NEDD4: variants seen among roughly 807,000 people sequenced by gnomAD.
The protein encoded by NEDD4 is E3 ubiquitin-protein ligase NEDD4.
In NEDD4, 99 loss-of-function variants were observed where a neutral mutation model predicts 144.9. That is an observed-to-expected ratio of 0.68 (90% CI 0.58 to 0.81). The LOEUF is 0.81. Ranked by LOEUF, NEDD4 falls within the 30% of genes least tolerant of loss-of-function variation. The pLI, the probability that NEDD4 is intolerant of heterozygous loss-of-function variation, is 0.00. For missense variants in NEDD4, 985 were observed against 1,065.9 expected, an observed-to-expected ratio of 0.92 and a Z score of 1.06; for synonymous variants, 318 against 350.6, an observed-to-expected ratio of 0.91 and a Z score of 1.04.
intron 2 of NEDD4, among the ~76,000 whole-genome samples, chr15:55,959,262 GATT>G (rs1469078083): frequency 3.3e-5 from 5 of 151,830 alleles, no homozygotes; most frequent in Non-Finnish European, 5.9e-5. Context: ...TTGACATATA[GATT>G]ATTTAGAAGT....
intron 1 of NEDD4, among the ~76,000 whole-genome samples, chr15:55,984,104 C>G (rs2037851552): frequency 1.3e-5 from 2 of 152,110 alleles, no homozygotes; most frequent in Admixed American, 1.3e-4. Flanking sequence ...TAAGCAAATA[C>G]AGAAATCAAG....
At chr15:55,840,028 AT>A (rs1566901247) in intron 21 of NEDD4, among the ~76,000 whole-genome samples, 6 of 83,564 alleles carry the variant, frequency 7.2e-5, no homozygotes, top group Non-Finnish European at 9.9e-5. Context: ...ATATATATAT[AT>A]ATATATATAT....
chr15:55,971,916 C>A (rs12591227), intron 1 of NEDD4, among the ~76,000 whole-genome samples: 1 of 152,032 alleles, frequency 6.6e-6, no homozygotes, highest in African/African-American at 2.4e-5. Flanking sequence ...AGCTCCAATA[C>A]ATCTGGCAGC....
chr15:55,927,318 CT>C (rs1294518898), intron 4 of NEDD4, among the ~76,000 whole-genome samples: 13 of 148,216 alleles, frequency 8.8e-5, no homozygotes, highest in Non-Finnish European at 9.0e-5. Flanking sequence ...CGACAAGATT[CT>C]TTTTTTTTTG....
At chr15:55,871,646 T>G (rs1472146717) in intron 7 of NEDD4, among the ~76,000 whole-genome samples, 1 of 152,130 alleles carries the variant, frequency 6.6e-6, no homozygotes, top group Non-Finnish European at 1.5e-5. Context: ...TCCTTTTCAT[T>G]TTTTTAATAT....
chr15:55,890,882 G>A (rs571515707), intron 5 of NEDD4, among the ~76,000 whole-genome samples: 2 of 152,174 alleles, frequency 1.3e-5, no homozygotes, highest in South Asian at 4.2e-4. Flanking sequence ...CATTTCCCTG[G>A]CAGCCAATGA....
chr15:55,897,853 C>A (rs1442575106), intron 5 of NEDD4, among the ~76,000 whole-genome samples: 1 of 152,212 alleles, frequency 6.6e-6, no homozygotes, highest in Non-Finnish European at 1.5e-5. Context: ...CTATACTTTT[C>A]CCCAGGCTTC....
chr15:55,956,603 C>G (rs542678180), intron 2 of NEDD4, among the ~76,000 whole-genome samples: 1 of 152,110 alleles, frequency 6.6e-6, no homozygotes, highest in East Asian at 1.9e-4. Context: ...TGTATATATT[C>G]TCTCTCTCGC....
chr15:55,931,077 A>C (rs2036771965), intron 4 of NEDD4, among the ~76,000 whole-genome samples: 1 of 152,224 alleles, frequency 6.6e-6, no homozygotes, highest in Non-Finnish European at 1.5e-5. Context: ...GAGAAAGAGA[A>C]GGAAAGAGGG....
At chr15:55,837,907 T>C (rs1566899025) in intron 23 of NEDD4, 58 bp from the exon 24 acceptor site, 11 of 1,386,408 alleles carry the variant, frequency 7.9e-6, no homozygotes, top group Non-Finnish European at 1.0e-5. Flanking sequence ...TGAGGCACAA[T>C]TATTCTAGTT....
In NEDD4 at chr15:55,970,177, G is replaced by A. The variant is rs1054112571; in HGVS notation, c.46-3631C>T. Among the ~76,000 whole-genome samples the A allele has an allele frequency of 8.5e-5, 13 of 152,148 alleles. No homozygotes were observed. In the South Asian group the frequency reaches 2.7e-3, roughly 32 times the overall value. On this transcript the variant is annotated intron_variant, in intron 1 of 28. Coordinates refer to ENST00000435532, the MANE Select transcript of NEDD4 (RefSeq NM_006154.4). ...GTGGCCATGGGCAGAGACTCTGTCT[G>A]CTTGAGAAAATCAAAGGGAAGAATA...
intron 12 of NEDD4, among the ~76,000 whole-genome samples, 171 bp from the exon 13 acceptor site, chr15:55,852,714 TATATATA>T (rs1207235494): frequency 6.8e-6 from 1 of 146,524 alleles, no homozygotes; most frequent in Non-Finnish European, 1.5e-5. Context: ...TATATATATA[TATATATA>T]TATTTACCTT....
intron 5 of NEDD4, 37 bp from the exon 6 acceptor site, chr15:55,874,045 C>T (rs16976618): frequency 0.13 from 153,150 of 1,176,862 alleles, 11,401 homozygotes; most frequent in East Asian, 0.35. Flanking sequence ...ATTAGTAATA[C>T]GCTCAATTCC....
At chr15:55,873,538 GT>G (rs2034883056) in intron 6 of NEDD4, among the ~76,000 whole-genome samples, 1 of 152,048 alleles carries the variant, frequency 6.6e-6, no homozygotes, top group Admixed American at 6.5e-5. Context: ...ATTCAATAAT[GT>G]TCTATTTTGC....
intron 4 of NEDD4, among the ~76,000 whole-genome samples, chr15:55,924,988 A>T (rs2036636077): frequency 6.6e-6 from 1 of 152,236 alleles, no homozygotes; most frequent in African/African-American, 2.4e-5. Context: ...AAATCGCTTC[A>T]ACCTGGGAGG....
intron 5 of NEDD4, among the ~76,000 whole-genome samples, chr15:55,917,913 G>A (rs2036493029): frequency 6.6e-6 from 1 of 151,914 alleles, no homozygotes; most frequent in Admixed American, 6.6e-5. Context: ...ATTCACTTAA[G>A]AGAGTGTTGT....
chr15:55,945,996 T>C (rs2037105304), intron 4 of NEDD4, among the ~76,000 whole-genome samples: 1 of 152,092 alleles, frequency 6.6e-6, no homozygotes, highest in African/African-American at 2.4e-5. Flanking sequence ...CAAGAGCTCA[T>C]GAAGGAAGCA....
chr15:55,915,033 T>G (rs1289741491), intron 5 of NEDD4, among the ~76,000 whole-genome samples: 1 of 152,078 alleles, frequency 6.6e-6, no homozygotes, highest in South Asian at 2.1e-4. Context: ...GTAGAAAAGT[T>G]TTATAGCTTA....
intron 8 of NEDD4, 122 bp downstream of exon 8, chr15:55,869,457 C>A: frequency 1.7e-6 from 1 of 604,760 alleles, no homozygotes; most frequent in African/African-American, 1.9e-5. Context: ...GTGAAATAAA[C>A]ATCCAAGTAA....
Sources: gnomAD v4.1 joint callset for allele counts (sites outside exome capture counted in the v4.1 genomes callset) on GRCh38, gnomAD v4.1.1 for gene constraint, MANE v1.5 for transcripts, NCBI Gene and HGNC (gene_info 2026-07-23, HGNC 2026-07-21) for gene names.